MACROD2: variants seen among roughly 807,000 people sequenced by gnomAD.
The protein encoded by MACROD2 is mono-ADP ribosylhydrolase 2, also known as ADP-ribose glycohydrolase MACROD2.
A neutral mutation model predicts 70.4 loss-of-function variants in MACROD2; 36 were observed. The observed-to-expected ratio is 0.51, with a 90% CI of 0.39 to 0.68. MACROD2 has a LOEUF of 0.68. Ranked by LOEUF, MACROD2 falls within the 30% of genes least tolerant of loss-of-function variation. MACROD2 has a pLI of 0.00. For missense variants in MACROD2, 496 were observed against 538.4 expected (o/e 0.92, Z 0.78); for synonymous variants, 172 against 178.8 (o/e 0.96, Z 0.30).
At chr20:14,238,754 C>T (rs752594170) in intron 3 of MACROD2, among the ~76,000 whole-genome samples, 2 of 152,126 alleles carry the variant, frequency 1.3e-5, no homozygotes, top group Non-Finnish European at 2.9e-5. Flanking sequence ...TCTGACCAGG[C>T]CCAGTGGCTC....
intron 2 of MACROD2, among the ~76,000 whole-genome samples, chr20:14,064,399 C>T (rs558498163): frequency 7.2e-5 from 11 of 152,138 alleles, no homozygotes; most frequent in Non-Finnish European, 1.3e-4. Context: ...TGCCTCTCTA[C>T]CTGAGTACTC....
chr20:14,030,078 A>G (rs1324788225), intron 2 of MACROD2, among the ~76,000 whole-genome samples: 1 of 152,200 alleles, frequency 6.6e-6, no homozygotes, highest in African/African-American at 2.4e-5. Context: ...GGTCACCTAG[A>G]TTGGAGTACA....
intron 6 of MACROD2, among the ~76,000 whole-genome samples, chr20:15,250,865 T>C (rs1354695880): frequency 6.6e-6 from 1 of 152,220 alleles, no homozygotes; most frequent in Non-Finnish European, 1.5e-5. Context: ...AATTATTGGA[T>C]CCATAATTGA....
intron 5 of MACROD2, among the ~76,000 whole-genome samples, chr20:15,123,830 T>A (rs1045445003): frequency 3.3e-5 from 5 of 152,180 alleles, no homozygotes; most frequent in Admixed American, 3.3e-4. Context: ...TGCCCATTTA[T>A]GCTTGCAACC....
intron 3 of MACROD2, among the ~76,000 whole-genome samples, chr20:14,380,042 A>G (rs182394401): frequency 8.5e-5 from 13 of 152,200 alleles, no homozygotes; most frequent in Non-Finnish European, 2.9e-5. Context: ...TACATTTTCT[A>G]TAGTGGCTGT....
chr20:15,147,664 G>T lies in MACROD2; in HGVS notation c.419-82276G>T, dbSNP rs554165103. On this transcript the variant is annotated intron_variant, in intron 5 of 17. Coordinates refer to ENST00000684519, the MANE Select transcript of MACROD2 (RefSeq NM_001351661.2). ...TGACAGGAGACTAATCATTGCCTCTGTCTGAGTTATTTGAAAATGGGTCCA... is the reference window on the plus strand; with the variant it reads ...TGACAGGAGACTAATCATTGCCTCTTTCTGAGTTATTTGAAAATGGGTCCA... Among the ~76,000 whole-genome samples the T allele has an allele frequency of 1.1e-3, 168 of 152,252 alleles. 1 individual carries two copies. The highest frequency in any genetic ancestry group is 3.5e-3 in the African/African-American group (144 of 41,536).
intron 4 of MACROD2, among the ~76,000 whole-genome samples, chr20:14,546,991 AT>A (rs2085498226): frequency 6.6e-6 from 1 of 152,126 alleles, no homozygotes; most frequent in Non-Finnish European, 1.5e-5. Context: ...TTACATAAAA[AT>A]ATCATCCTAC....
At chr20:14,473,100 T>A (rs1284763544) in intron 3 of MACROD2, among the ~76,000 whole-genome samples, 1 of 152,228 alleles carries the variant, frequency 6.6e-6, no homozygotes, top group Non-Finnish European at 1.5e-5. Flanking sequence ...AATACATGTA[T>A]ACAATATGTA....
chr20:15,102,460 G>C (rs975647571), intron 5 of MACROD2, among the ~76,000 whole-genome samples: 3 of 151,944 alleles, frequency 2.0e-5, no homozygotes, highest in African/African-American at 7.2e-5. Flanking sequence ...GGTATATATA[G>C]TAGTAGTGTT....
At chr20:15,164,854 T>C (rs964739702) in intron 5 of MACROD2, among the ~76,000 whole-genome samples, 1 of 152,072 alleles carries the variant, frequency 6.6e-6, no homozygotes, top group East Asian at 1.9e-4. Flanking sequence ...TGAACTGTGG[T>C]CAGGCCACTA....
At position 14,348,364 on chromosome 20, in the gene MACROD2, G is replaced by A. The variant is rs140097155; in HGVS notation, c.272-145115G>A. On this transcript the variant is annotated intron_variant, in intron 3 of 17. Transcript: ENST00000684519. ...GAATAAAAATTCTGTGACATTAAGG[G>A]TTCATGGTAATTTGTATCAGAATGT... Among the ~76,000 whole-genome samples, 715 of 152,064 alleles carry A rather than the reference G, an allele frequency of 4.7e-3. 2 individuals carry two copies. The highest frequency in any genetic ancestry group is 0.017 in the African/African-American group (695 of 41,532).
chr20:14,347,112 A>G (rs16994499), intron 3 of MACROD2, among the ~76,000 whole-genome samples: 11,305 of 152,266 alleles, frequency 0.074, 692 homozygotes, highest in African/African-American at 0.17. Flanking sequence ...GACTGAAAGC[A>G]GCTAGAGGAA....
chr20:15,076,423 G>C (rs909046467), intron 5 of MACROD2, among the ~76,000 whole-genome samples: 4 of 152,044 alleles, frequency 2.6e-5, no homozygotes, highest in Admixed American at 2.6e-4. Context: ...AAGCCAAACT[G>C]TATGAATAGT....
chr20:14,913,889 G>A (rs1200416215), intron 5 of MACROD2, among the ~76,000 whole-genome samples: 1 of 146,034 alleles, frequency 6.8e-6, no homozygotes, highest in Admixed American at 6.8e-5. Context: ...CCATCTTGGG[G>A]GAAGAATTAA....
chr20:15,224,926 C>T (rs944950753), intron 5 of MACROD2, among the ~76,000 whole-genome samples: 5 of 148,720 alleles, frequency 3.4e-5, no homozygotes, highest in African/African-American at 1.2e-4. Context: ...CACCACTGCA[C>T]TGCAGCCTGG....
intron 5 of MACROD2, among the ~76,000 whole-genome samples, chr20:14,913,081 G>A (rs1237569206): frequency 6.6e-6 from 1 of 152,180 alleles, no homozygotes; most frequent in Non-Finnish European, 1.5e-5. Flanking sequence ...GCACATGCGT[G>A]TATGTGTGTA....
intron 5 of MACROD2, among the ~76,000 whole-genome samples, chr20:14,868,930 G>A (rs410518): frequency 0.25 from 38,536 of 152,080 alleles, 5,581 homozygotes; most frequent in Non-Finnish European, 0.33. Context: ...AAGGACTATC[G>A]TTGATACAGG....
intron 9 of MACROD2, among the ~76,000 whole-genome samples, chr20:15,879,900 CAAG>C (rs1343886308): frequency 6.6e-6 from 1 of 151,864 alleles, no homozygotes; most frequent in Non-Finnish European, 1.5e-5. Context: ...GCTTCAGACC[CAAG>C]AAGAATTAAT....
chr20:14,065,352 A>G (rs1358727665), intron 2 of MACROD2, among the ~76,000 whole-genome samples: 1 of 151,970 alleles, frequency 6.6e-6, no homozygotes, highest in Non-Finnish European at 1.5e-5. Flanking sequence ...TGCTCACCTA[A>G]TTTTTTAGTG....
Sources: gnomAD v4.1 joint callset for allele counts (sites outside exome capture counted in the v4.1 genomes callset) on GRCh38, gnomAD v4.1.1 for gene constraint, MANE v1.5 for transcripts, NCBI Gene and HGNC (gene_info 2026-07-23, HGNC 2026-07-21) for gene names.